IRS1: variants seen among roughly 807,000 people sequenced by gnomAD.
The protein encoded by IRS1 is insulin receptor substrate 1.
Under a neutral mutation model 65.6 loss-of-function variants are expected in IRS1, and 34 were observed. The observed-to-expected ratio is 0.52, with a 90% CI of 0.39 to 0.69. The LOEUF is 0.69. Among genes scored for constraint, IRS1 ranks in the 30% least tolerant of loss-of-function variants. The pLI is 0.00. For missense variants in IRS1, 1,641 were observed against 1,720.2 expected (o/e 0.95, Z 0.81); for synonymous variants, 699 against 683.5 (o/e 1.02, Z -0.35).
intron 1 of IRS1, among the ~76,000 whole-genome samples, chr2:226,766,159 A>T (rs370918688): frequency 0.39 from 2,219 of 5,690 alleles, 445 homozygotes; most frequent in Middle Eastern, 0.62. Flanking sequence ...ATATATATAT[A>T]TATATTTTTT....
intron 1 of IRS1, among the ~76,000 whole-genome samples, chr2:226,792,800 A>ACAGGTCTGACTTCTGTCTGTTT (rs541618146): frequency 1.5e-3 from 235 of 152,304 alleles, no homozygotes; most frequent in African/African-American, 5.2e-3. Context: ...TTTGCCACTC[A>ACAGGTCTGACTTCTGTCTGTTT]CAGGTCTGAC....
chr2:226,797,753 GAGGCGCGGACACGGA>G lies in IRS1; in HGVS notation c.971_985del (p.Phe324_Ala328del). 6 of 1,595,806 alleles carry G rather than the reference GAGGCGCGGACACGGA, an allele frequency of 3.8e-6. No individual in the cohort carries two copies. Among genetic ancestry groups the G allele is most frequent in the Non-Finnish European group, 5.1e-6 (6 of 1,176,252 alleles). ...GGACATGGTGCCTTCGCCGTCACTGGAGGCGCGGACACGGAAGGAGCCTGGCTTCCCGCCCACCAT... is the reference window on the plus strand; with the variant it reads ...GGACATGGTGCCTTCGCCGTCACTGGAGGAGCCTGGCTTCCCGCCCACCAT... On this transcript the variant is annotated inframe_deletion, in exon 1 of 2. Coordinates refer to ENST00000305123, the MANE Select transcript of IRS1 (RefSeq NM_005544.3). The surrounding 1 kb of genome is among the most constrained non-coding windows in gnomAD (Gnocchi z 8.1).
intron 1 of IRS1, among the ~76,000 whole-genome samples, chr2:226,749,575 A>G (rs576539925): frequency 6.6e-6 from 1 of 152,286 alleles, no homozygotes; most frequent in Non-Finnish European, 1.5e-5. Context: ...CATTTGCCAT[A>G]AGTCAGTAAG....
At position 226,795,593 on chromosome 2, in the gene IRS1, C is replaced by A; in HGVS notation, c.3146G>T (p.Gly1049Val). 1 of 1,612,628 alleles carries A rather than the reference C, an allele frequency of 6.2e-7. No homozygotes were observed. Among genetic ancestry groups the A allele is most frequent in the Non-Finnish European group, 8.5e-7 (1 of 1,179,792 alleles). Reference protein sequence around the residue: ...AASASPTGPQGAAELAAHSSL... With the variant: ...AASASPTGPQVAAELAAHSSL... Reference sequence around the variant, plus strand: ...CGAGTGGGCAGCCAGCTCTGCTGCCCCTTGAGGCCCAGTCGGGGAAGCAGA... The same window carrying A: ...CGAGTGGGCAGCCAGCTCTGCTGCCACTTGAGGCCCAGTCGGGGAAGCAGA... Residue 1049 changes from glycine (G) to valine (V), a missense_variant, in exon 1 of 2, where the codon GGG becomes GTG. Gly to Val is a moderately radical substitution (Grantham distance 109). Around this residue, in one of 3 missense-constraint regions of IRS1, gnomAD observed 1,324 missense variants for 1,361.0 expected, o/e 0.97. Transcript: ENST00000305123.
chr2:226,751,675 C>T (rs997141013), intron 1 of IRS1, among the ~76,000 whole-genome samples: 13 of 151,946 alleles, frequency 8.6e-5, no homozygotes, highest in Non-Finnish European at 1.9e-4. Context: ...GAAGAGGGAT[C>T]GAAGCTGTGA....
chr2:226,764,818 G>C (rs936409774), intron 1 of IRS1, among the ~76,000 whole-genome samples: 6 of 152,172 alleles, frequency 3.9e-5, no homozygotes, highest in African/African-American at 1.4e-4. Flanking sequence ...ATCAGAAATG[G>C]ACCAGCTGCC....
Position 226,799,779 on chromosome 2 carries a change from A to T in IRS1, c.-1041T>A, listed in dbSNP as rs1939855680. On this transcript the variant is annotated 5_prime_UTR_variant, in exon 1 of 2. Transcript: ENST00000305123. This position sits in a 1 kb window ranked among gnomAD's most constrained non-coding sequence, Gnocchi z 6.1. ...CCGCCGTCTCACTCGGAGGAGAAAA[A>T]CACGTGACGGAGCCTCCGCGCTCGG... 1.0e-6 allele frequency: 1 copy of T among 994,942 alleles called. No homozygotes were observed. The highest frequency in any genetic ancestry group is 1.7e-5 in the African/African-American group (1 of 57,160). 61.6% of individuals were successfully genotyped at this position (994,942 alleles called of 1,614,324 possible).
chr2:226,745,414 T>C (rs1434776719), intron 1 of IRS1, among the ~76,000 whole-genome samples: 1 of 152,244 alleles, frequency 6.6e-6, no homozygotes, highest in Non-Finnish European at 1.5e-5. Flanking sequence ...GATGGAACTA[T>C]TACATGGCTG....
chr2:226,748,654 C>CAAACA (rs111579519), intron 1 of IRS1, among the ~76,000 whole-genome samples: 12,497 of 151,840 alleles, frequency 0.082, 661 homozygotes, highest in East Asian at 0.18. Flanking sequence ...AAAAAACAAA[C>CAAACA]AAACAAAACA....
At chr2:226,754,213 A>G (rs1404465524) in intron 1 of IRS1, among the ~76,000 whole-genome samples, 2 of 152,206 alleles carry the variant, frequency 1.3e-5, no homozygotes, top group African/African-American at 4.8e-5. Context: ...AATATTGATG[A>G]CAATGGTTCT....
Position 226,796,411 on chromosome 2 carries a change from G to A in IRS1, c.2328C>T (p.Arg776=). Reference sequence around the variant, plus strand: ...GGGCACCCTCCTCCGGCTCCCCGGGGCGCTGGGTGTGCTTAAAGGATCTTG... The same window carrying A: ...GGGCACCCTCCTCCGGCTCCCCGGGACGCTGGGTGTGCTTAAAGGATCTTG... The part of the protein sequence containing the change: ...SLPRSFKHTQ[R]PGEPEEGARH... Residue 776 remains arginine, a synonymous_variant, in exon 1 of 2, where the codon CGC becomes CGT. Coordinates refer to ENST00000305123, the MANE Select transcript of IRS1 (RefSeq NM_005544.3). The A allele has an allele frequency of 1.2e-6, 2 of 1,613,432 alleles. No individual in the cohort carries two copies. Among genetic ancestry groups the A allele is most frequent in the Non-Finnish European group, 8.5e-7 (1 of 1,180,046 alleles).
At position 226,796,910 on chromosome 2, in the gene IRS1, T is replaced by A; in HGVS notation, c.1829A>T (p.Asp610Val). 6.5e-7 allele frequency: 1 copy of A among 1,543,226 alleles called. No homozygotes were observed. Among genetic ancestry groups the A allele is most frequent in the East Asian group, 2.3e-5 (1 of 44,278 alleles). ...RPDSSTLHTD[D>V]GYMPMSPGVA... ...CCCTGGGGACATGGGCATGTAGCCA[T>A]CATCCGTGTGGAGGGTGGAGCTGTC... The change falls in exon 1 of 2, where the codon GAT becomes GTT. Residue 610 changes from aspartate to valine, a missense_variant. Around this residue, in one of 3 missense-constraint regions of IRS1, gnomAD observed 1,324 missense variants for 1,361.0 expected, o/e 0.97. Coordinates refer to ENST00000305123, the MANE Select transcript of IRS1 (RefSeq NM_005544.3).
rs748297008 is a variant in IRS1 at position 226,796,803 on chromosome 2, T to C, written c.1936A>G (p.Ile646Val). 6.3e-7 allele frequency: 1 copy of C among 1,576,550 alleles called. No homozygotes were observed. Among genetic ancestry groups the C allele is most frequent in the Non-Finnish European group, 8.6e-7 (1 of 1,159,274 alleles). The change falls in exon 1 of 2, where the codon ATC becomes GTC. Residue 646 changes from isoleucine to valine, a missense_variant. Around this residue, in one of 3 missense-constraint regions of IRS1, gnomAD observed 1,324 missense variants for 1,361.0 expected, o/e 0.97. Transcript: ENST00000305123. ...SPKSVSAPQQIINPIRRHPQR... is the reference protein window; with the variant it reads ...SPKSVSAPQQVINPIRRHPQR... ...GGATGGCGTCTGATGGGATTGATGA[T>C]CTGCTGTGGGGCAGATACGCTCTTG...
rs755583840 is a variant in IRS1, at chr2:226,797,369, C to G, written c.1370G>C (p.Arg457Pro). 6.2e-7 allele frequency: 1 copy of G among 1,613,068 alleles called. No homozygotes were observed. The highest frequency in any genetic ancestry group is 1.1e-5 in the South Asian group (1 of 91,028). ...ATAGTTGCTTAGCTCCTCCTCACCG[C>G]GGGCTGGTGGGGTGTGGCCCAGGGA... ...PDSLGHTPPA[R>P]GEEELSNYIC... is the part of the protein sequence containing the mutation. Residue 457 changes from arginine to proline, a missense_variant, in exon 1 of 2, where the codon CGC (arginine) becomes CCC (proline). Physicochemically the swap from Arg to Pro is moderately radical, Grantham distance 103. This residue lies in a region of IRS1 where 1,324 missense variants were observed against 1,361.0 expected (regional missense o/e 0.97). Transcript: ENST00000305123. The surrounding 1 kb of genome is among the most constrained non-coding windows in gnomAD (Gnocchi z 8.1).
In IRS1 at chr2:226,798,174, T is replaced by C; in HGVS notation, c.565A>G (p.Ser189Gly). 6.2e-7 allele frequency: 1 copy of C among 1,614,020 alleles called. No individual in the cohort carries two copies. The highest frequency in any genetic ancestry group is 2.2e-5 in the East Asian group (1 of 44,878). ...LIGIYRLCLT[S>G]KTISFVKLNS... ...AGCTTCACGAAGCTGATGGTCTTGCTGGTCAGGCAAAGGCGGTAGATACCA... is the reference window on the plus strand; with the variant it reads ...AGCTTCACGAAGCTGATGGTCTTGCCGGTCAGGCAAAGGCGGTAGATACCA... The change falls in exon 1 of 2, where the codon AGC (serine) becomes GGC (glycine). Residue 189 changes from serine to glycine, a missense_variant. Ser to Gly is a moderately conservative substitution (Grantham distance 56). Transcript: ENST00000305123. The surrounding 1 kb of genome is among the most constrained non-coding windows in gnomAD (Gnocchi z 9.4).
intron 1 of IRS1, among the ~76,000 whole-genome samples, chr2:226,737,863 A>T (rs1249007331): frequency 6.6e-6 from 1 of 152,208 alleles, no homozygotes; most frequent in East Asian, 1.9e-4. Flanking sequence ...AAGGCTTGCC[A>T]CGTGGTAGTA....
chr2:226,774,598 A>C (rs1939233122), intron 1 of IRS1, among the ~76,000 whole-genome samples: 1 of 152,242 alleles, frequency 6.6e-6, no homozygotes, highest in African/African-American at 2.4e-5. Flanking sequence ...TTTTAAAAAT[A>C]AGAATGATGA....
chr2:226,751,272 G>C (rs1003702727), intron 1 of IRS1, among the ~76,000 whole-genome samples: 49 of 120,724 alleles, frequency 4.1e-4, no homozygotes, highest in Non-Finnish European at 7.8e-4. Flanking sequence ...CTCCACACGG[G>C]TATTTTTTTT....
rs75149532 is a variant in IRS1 at position 226,760,762 on chromosome 2, A to G, written c.*22-24512T>C. Among the ~76,000 whole-genome samples the G allele has an allele frequency of 4.6e-5, 7 of 152,374 alleles. No individual in the cohort carries two copies. In the East Asian group the frequency reaches 1.3e-3, roughly 29 times the overall value. ...CTTCTACCCATTTTCAGATGATGCT[A>G]GGAAGGATATGATTTGCTTTTTTAA... On this transcript the variant is annotated intron_variant, in intron 1 of 1. Transcript: ENST00000305123.
Sources: allele counts gnomAD v4.1 joint callset (sites outside exome capture counted in the v4.1 genomes callset), GRCh38; gene constraint gnomAD v4.1.1; regional missense constraint gnomAD v4.1.1; non-coding constraint Gnocchi (gnomAD v3.1); transcripts MANE v1.5; gene names NCBI Gene and HGNC (gene_info 2026-07-23, HGNC 2026-07-21).